Variants in CCDC92B observed in about 807,000 individuals in gnomAD.
CCDC92B encodes the protein coiled-coil domain containing 92B, also known as coiled-coil domain-containing 92B.
Under a neutral mutation model 5.6 loss-of-function variants are expected in CCDC92B, and 2 were observed. The ratio of observed to expected loss-of-function variants is 0.36; its 90% CI spans 0.15 to 1.12. The LOEUF is 1.12. CCDC92B is among the 50% of genes most tolerant of loss of function. The pLI, the probability that CCDC92B is intolerant of heterozygous loss-of-function variation, is 0.40. For synonymous variants in CCDC92B, 115 were observed against 122.3 expected (o/e 0.94, Z 0.39); for missense variants, 271 against 262.2 (o/e 1.03, Z -0.23).
At chr17:2,729,482 G>A (rs1050079606) in intron 3 of CCDC92B, among the ~76,000 whole-genome samples, 29 of 124,322 alleles carry the variant, frequency 2.3e-4, no homozygotes, top group Non-Finnish European at 3.6e-4. Flanking sequence ...CGACAAGAGC[G>A]AGACTCCGTC....
At chr17:2,739,994 A>G (rs2070908964) in intron 1 of CCDC92B, among the ~76,000 whole-genome samples, 1 of 152,106 alleles carries the variant, frequency 6.6e-6, no homozygotes, top group African/African-American at 2.4e-5. Flanking sequence ...TCAAACAGAT[A>G]ATACAAATAA....
At chr17:2,725,136 G>T in intron 3 of CCDC92B, 136 bp from the exon 4 acceptor site, 1 of 982,414 alleles carries the variant, frequency 1.0e-6, no homozygotes, top group Non-Finnish European at 1.2e-6. Context: ...ACTTTGGGAG[G>T]CCGAGATGGG....
At chr17:2,748,255 C>G (rs2071010815) in intron 1 of CCDC92B, 1 of 849,930 alleles carries the variant, frequency 1.2e-6, no homozygotes, top group Non-Finnish European at 1.7e-6. Context: ...CTATCTCTGC[C>G]TCTTGAAGCC....
chr17:2,732,207 C>T (rs1198584221), intron 2 of CCDC92B, among the ~76,000 whole-genome samples: 1 of 152,190 alleles, frequency 6.6e-6, no homozygotes, highest in East Asian at 1.9e-4. Flanking sequence ...AGTCCTCACC[C>T]ATCCTTAGCC....
At chr17:2,728,556 C>T (rs535401375) in intron 3 of CCDC92B, among the ~76,000 whole-genome samples, 21 of 151,600 alleles carry the variant, frequency 1.4e-4, no homozygotes, top group Admixed American at 7.2e-4. Flanking sequence ...TGAGCCGAGA[C>T]CGCACCACTG....
In CCDC92B at chr17:2,731,098, A is replaced by G. The variant is rs60065451; in HGVS notation, c.131-605T>C. ...CCAGTTGCGCCGTATTCCCCACGGC[A>G]GGGAGAAGGGCTTCGAGCAGGACGG... On this transcript the variant is annotated intron_variant, in intron 2 of 3. Transcript: ENST00000614400. Among the ~76,000 whole-genome samples the G allele has an allele frequency of 6.5e-3, 986 of 152,294 alleles. 12 individuals are homozygous for G. The highest frequency in any genetic ancestry group is 0.022 in the African/African-American group (912 of 41,576).
chr17:2,725,068 A>T (rs1371277486), intron 3 of CCDC92B, 68 bp from the exon 4 acceptor site: 1 of 983,788 alleles, frequency 1.0e-6, no homozygotes, highest in Non-Finnish European at 1.2e-6. Flanking sequence ...CACGGCTCAG[A>T]GCTCCGTGTA....
At chr17:2,736,680 C>G (rs1246445963) in intron 1 of CCDC92B, among the ~76,000 whole-genome samples, 3 of 151,826 alleles carry the variant, frequency 2.0e-5, no homozygotes, top group African/African-American at 4.8e-5. Context: ...CAGTTCGAGA[C>G]CAGCCTGGCC....
At chr17:2,730,383 G>T in intron 3 of CCDC92B, 63 bp downstream of exon 3, 1 of 926,402 alleles carries the variant, frequency 1.1e-6, no homozygotes. Context: ...TCCTGCAAAG[G>T]GCTGGGAAAA....
At chr17:2,745,230 CGT>C (rs2070972047) in intron 1 of CCDC92B, among the ~76,000 whole-genome samples, 1 of 151,898 alleles carries the variant, frequency 6.6e-6, no homozygotes, top group Admixed American at 6.6e-5. Context: ...TCAAGGAGTA[CGT>C]GTGTGTGTTT....
rs2070695946 is a variant in CCDC92B, at chr17:2,724,234, CG to C, written c.*176del. The C allele has an allele frequency of 1.0e-6, 1 of 985,260 alleles. No individual in the cohort carries two copies. The highest frequency in any genetic ancestry group is 4.7e-5 in the South Asian group (1 of 21,288). 61.0% of individuals were successfully genotyped at this position (985,260 alleles called of 1,614,324 possible). A position where few individuals can be genotyped will look rare whatever the true frequency, so the allele number is the denominator to read the frequency against. ...AGGAGAGGGCTCGAAGCTTTGGAAA[CG>C]TCGGGAAGTACAAAAGGCTGGCGGT... On this transcript the variant is annotated 3_prime_UTR_variant, in exon 4 of 4. Coordinates refer to ENST00000614400, the MANE Select transcript of CCDC92B (RefSeq NM_001355573.2). This position sits in a 1 kb window ranked among gnomAD's most constrained non-coding sequence, Gnocchi z 5.0.
intron 2 of CCDC92B, among the ~76,000 whole-genome samples, chr17:2,734,307 C>T (rs1412123737): frequency 1.3e-5 from 2 of 152,220 alleles, no homozygotes; most frequent in African/African-American, 4.8e-5. Flanking sequence ...AGCACCTGCT[C>T]CTCAAGCTGG....
chr17:2,742,578 C>G (rs2070936710), intron 1 of CCDC92B, among the ~76,000 whole-genome samples: 1 of 152,158 alleles, frequency 6.6e-6, no homozygotes, highest in Non-Finnish European at 1.5e-5. Flanking sequence ...GGCATATTTG[C>G]TAGATCTTTC....
chr17:2,727,823 C>A (rs1194140721), intron 3 of CCDC92B, among the ~76,000 whole-genome samples: 357 of 118,296 alleles, frequency 3.0e-3, no homozygotes, highest in Middle Eastern at 4.7e-3. Context: ...GACTCCGTCT[C>A]AAAAAAAAAA....
chr17:2,738,298 A>G (rs1395716638), intron 1 of CCDC92B, among the ~76,000 whole-genome samples: 2 of 151,996 alleles, frequency 1.3e-5, no homozygotes, highest in Non-Finnish European at 2.9e-5. Context: ...TTGGTCTCCC[A>G]AAGTGCTGGG....
chr17:2,748,326 C>G, intron 1 of CCDC92B: 1 of 1,252,030 alleles, frequency 8.0e-7, no homozygotes, highest in Non-Finnish European at 1.0e-6. Flanking sequence ...TCCCTGATCC[C>G]CCACCAAGAT....
rs2151735718 is a variant in CCDC92B at position 2,724,150 on chromosome 17, G to C, written c.*261C>G. 1 of 985,406 alleles carries C rather than the reference G, an allele frequency of 1.0e-6. No homozygotes were observed. Among genetic ancestry groups the C allele is most frequent in the Non-Finnish European group, 1.2e-6 (1 of 829,922 alleles). The allele number at this position is 985,406 out of a possible 1,614,324, so 61.0% of individuals were successfully genotyped here. A position where few individuals can be genotyped will look rare whatever the true frequency, so the allele number is the denominator to read the frequency against. On this transcript the variant is annotated 3_prime_UTR_variant, in exon 4 of 4. Coordinates refer to ENST00000614400, the MANE Select transcript of CCDC92B (RefSeq NM_001355573.2). The surrounding 1 kb of genome is among the most constrained non-coding windows in gnomAD (Gnocchi z 5.0). ...GTGGGACCAGGCCAGGATCGGGACG[G>C]CGAGTCCTCTCGGTAGAGAAGGTGC... is the stretch of plus-strand genomic sequence containing the variant.
At chr17:2,730,248 T>A (rs2070777195) in intron 3 of CCDC92B, among the ~76,000 whole-genome samples, 198 bp downstream of exon 3, 1 of 152,164 alleles carries the variant, frequency 6.6e-6, no homozygotes, top group Non-Finnish European at 1.5e-5. Flanking sequence ...TGGTGCAGGT[T>A]GTTCACTGCA....
chr17:2,745,060 C>G (rs1468403429), intron 1 of CCDC92B, among the ~76,000 whole-genome samples: 1 of 97,516 alleles, frequency 1.0e-5, no homozygotes, highest in East Asian at 2.4e-4. Context: ...CAGTGAGACC[C>G]TGTCTCAAAA....
Sources: gnomAD v4.1 joint callset for allele counts (sites outside exome capture counted in the v4.1 genomes callset) on GRCh38, gnomAD v4.1.1 for gene constraint, Gnocchi (gnomAD v3.1) non-coding constraint, MANE v1.5 for transcripts, NCBI Gene and HGNC (gene_info 2026-07-23, HGNC 2026-07-21) for gene names.